The following TESC variants were observed in gnomAD, a reference collection of about 807,000 sequenced individuals.
TESC encodes the protein tescalcin.
TESC carries 19 observed loss-of-function variants against 31.0 expected under a neutral mutation model. The observed-to-expected ratio is 0.61, with a 90% confidence interval of 0.43 to 0.90. The LOEUF is 0.90. TESC is among the 40% of genes least tolerant of loss of function. TESC has a pLI of 0.00. For synonymous variants in TESC, 109 were observed against 114.8 expected, an observed-to-expected ratio of 0.95 and a Z score of 0.32; for missense variants, 248 against 303.8, an observed-to-expected ratio of 0.82 and a Z score of 1.36.
In TESC at chr12:117,038,985, T is replaced by G. The variant is rs1954440089; in HGVS notation, c.*148A>C. On this transcript the variant is annotated 3_prime_UTR_variant, in exon 8 of 8. Transcript: ENST00000335209. ...AAAAACAGCGAAGTCCCACATACCA[T>G]ACCCTACAAGACACAAGGTGCGCAG... is the stretch of plus-strand genomic sequence containing the variant. The G allele has an allele frequency of 5.6e-6, 4 of 709,212 alleles. No homozygotes were observed. The Admixed American group carries it at 1.0e-4, about 18-fold the overall frequency. The allele number at this position is 709,212 out of a possible 1,614,324, so 43.9% of individuals were successfully genotyped here. A position where few individuals can be genotyped will look rare whatever the true frequency, so the allele number is the denominator to read the frequency against.
intron 1 of TESC, among the ~76,000 whole-genome samples, chr12:117,075,853 A>ATG (rs1955047305): frequency 2.2e-5 from 1 of 46,406 alleles, no homozygotes; most frequent in African/African-American, 9.9e-5. Flanking sequence ...GTGTGTATAT[A>ATG]TATATATATA....
At chr12:117,048,465 G>A (rs911200430) in intron 4 of TESC, among the ~76,000 whole-genome samples, 2 of 152,146 alleles carry the variant, frequency 1.3e-5, no homozygotes, top group African/African-American at 2.4e-5. Context: ...GATGTGACTC[G>A]GGGCACTGCC....
At chr12:117,085,390 A>C (rs1472966625) in intron 1 of TESC, among the ~76,000 whole-genome samples, 4 of 152,282 alleles carry the variant, frequency 2.6e-5, no homozygotes, top group African/African-American at 9.6e-5. Flanking sequence ...GAGAGACAGC[A>C]GGTGCAGCCG....
intron 1 of TESC, among the ~76,000 whole-genome samples, chr12:117,089,657 A>C (rs372709699): frequency 6.6e-6 from 1 of 152,230 alleles, no homozygotes; most frequent in Non-Finnish European, 1.5e-5. Flanking sequence ...AGGTTGTAAT[A>C]GCTGAAGAGA....
intron 4 of TESC, 144 bp from the exon 5 acceptor site, chr12:117,046,982 AC>A: frequency 2.4e-6 from 2 of 823,038 alleles, no homozygotes; most frequent in Non-Finnish European, 3.8e-6. Flanking sequence ...GAGCTGTGGG[AC>A]CAGACTGACT....
chr12:117,099,172 G>A, intron 1 of TESC, 53 bp downstream of exon 1: 2 of 1,461,646 alleles, frequency 1.4e-6, no homozygotes, highest in Middle Eastern at 2.4e-4. Context: ...CCCCAACAGT[G>A]GCCGTTCGGA....
chr12:117,075,266 C>T lies in TESC; in HGVS notation c.128+5G>A. On this transcript the variant is annotated splice_donor_5th_base_variant and intron_variant, in intron 2 of 7. Coordinates refer to ENST00000335209, the MANE Select transcript of TESC (RefSeq NM_017899.4). ...CCCAGCACCCAAACCCGCTGCCAAT[C>T]TTACCGAATGGTAGGCTGATCTCCA... The T allele has an allele frequency of 1.2e-6, 2 of 1,612,566 alleles. No individual in the cohort carries two copies. The highest frequency in any genetic ancestry group is 1.1e-5 in the South Asian group (1 of 91,048).
At position 117,067,880 on chromosome 12, in the gene TESC, T is replaced by C. The variant is rs543396814; in HGVS notation, c.128+7391A>G. Among the ~76,000 whole-genome samples, 12 of 152,282 alleles carry C rather than the reference T, an allele frequency of 7.9e-5. No individual in the cohort carries two copies. In the South Asian group the frequency reaches 1.7e-3, roughly 21 times the overall value. On this transcript the variant is annotated intron_variant, in intron 2 of 7. Transcript: ENST00000335209. Reference sequence around the variant, plus strand: ...TCTGCTGCTGGCAGCTGGGCTCCCATTTCTGCTCACAACCCCGTGCTTTTT... The same window carrying C: ...TCTGCTGCTGGCAGCTGGGCTCCCACTTCTGCTCACAACCCCGTGCTTTTT...
intron 1 of TESC, among the ~76,000 whole-genome samples, chr12:117,093,683 C>T (rs1259328961): frequency 4.6e-5 from 7 of 152,194 alleles, no homozygotes; most frequent in African/African-American, 1.2e-4. Context: ...TCAGCTACTG[C>T]GGATACGCTG....
chr12:117,095,436 C>T (rs1955378803), intron 1 of TESC, among the ~76,000 whole-genome samples: 1 of 152,186 alleles, frequency 6.6e-6, no homozygotes, highest in Non-Finnish European at 1.5e-5. Flanking sequence ...TTGTACACAT[C>T]AAATGAAAAC....
At chr12:117,066,534 G>C (rs1454678261) in intron 2 of TESC, among the ~76,000 whole-genome samples, 1 of 151,940 alleles carries the variant, frequency 6.6e-6, no homozygotes, top group Non-Finnish European at 1.5e-5. Context: ...ACCACGCCTG[G>C]CTAGTTTTTT....
intron 7 of TESC, among the ~76,000 whole-genome samples, chr12:117,040,431 C>A (rs7954600): frequency 0.14 from 21,266 of 152,206 alleles, 1,602 homozygotes; most frequent in African/African-American, 0.18. Flanking sequence ...TTGGGGAGCA[C>A]TAGGGGCCTG....
At position 117,081,579 on chromosome 12, in the gene TESC, A is replaced by AG. The variant is rs574513428; in HGVS notation, c.59-6240dup. On this transcript the variant is annotated intron_variant, in intron 1 of 7. Coordinates refer to ENST00000335209, the MANE Select transcript of TESC (RefSeq NM_017899.4). Reference sequence around the variant, plus strand: ...ACAGGCGTATAAAGATGAACAGATGAGGGTAATCAAGGTTGCCTGTTTAGA... The same window carrying AG: ...ACAGGCGTATAAAGATGAACAGATGAGGGGTAATCAAGGTTGCCTGTTTAGA... Among the ~76,000 whole-genome samples, 239 of 152,284 alleles carry AG rather than the reference A, an allele frequency of 1.6e-3. 1 individual carries two copies. The highest frequency in any genetic ancestry group is 5.6e-3 in the African/African-American group (234 of 41,570).
intron 2 of TESC, among the ~76,000 whole-genome samples, chr12:117,073,436 G>C (rs1955004645): frequency 6.6e-6 from 1 of 152,158 alleles, no homozygotes; most frequent in African/African-American, 2.4e-5. Flanking sequence ...ATCAAACTGA[G>C]ACCAGAGGCC....
intron 1 of TESC, among the ~76,000 whole-genome samples, chr12:117,094,513 T>G (rs1430090018): frequency 1.3e-5 from 2 of 152,172 alleles, no homozygotes; most frequent in African/African-American, 4.8e-5. Flanking sequence ...CAAGACACGT[T>G]CTTTCTGCTC....
At chr12:117,054,772 T>G (rs1042360998) in intron 3 of TESC, among the ~76,000 whole-genome samples, 9 of 152,104 alleles carry the variant, frequency 5.9e-5, no homozygotes, top group Admixed American at 1.3e-4. Context: ...GCCCCCACGG[T>G]CTCATCACCA....
At chr12:117,098,000 T>C (rs1231887169) in intron 1 of TESC, among the ~76,000 whole-genome samples, 3 of 152,326 alleles carry the variant, frequency 2.0e-5, no homozygotes, top group African/African-American at 4.8e-5. Context: ...GATACAGATA[T>C]AGACGTATAA....
At chr12:117,066,181 C>T (rs560335800) in intron 2 of TESC, among the ~76,000 whole-genome samples, 1 of 143,540 alleles carries the variant, frequency 7.0e-6, no homozygotes, top group African/African-American at 2.7e-5. Flanking sequence ...TGGCTGTCTG[C>T]CCTGTTTCCT....
chr12:117,094,352 C>T (rs1164236164), intron 1 of TESC, among the ~76,000 whole-genome samples: 1 of 152,128 alleles, frequency 6.6e-6, no homozygotes, highest in Admixed American at 6.5e-5. Context: ...GGTTGGCAGC[C>T]GAGGACAGCT....
Sources: gnomAD v4.1 joint callset for allele counts (sites outside exome capture counted in the v4.1 genomes callset) on GRCh38, gnomAD v4.1.1 for gene constraint, MANE v1.5 for transcripts, NCBI Gene and HGNC (gene_info 2026-07-23, HGNC 2026-07-21) for gene names.